TMLHE: variants seen among roughly 807,000 people sequenced by gnomAD.
TMLHE encodes the protein trimethyllysine dioxygenase, mitochondrial.
In TMLHE, 18 loss-of-function variants were observed where a neutral mutation model predicts 25.7. The observed-to-expected ratio is 0.70, with a 90% CI of 0.48 to 1.04. The LOEUF is 1.04. Ranked by LOEUF, TMLHE falls within the 50% of genes least tolerant of loss-of-function variation. TMLHE has a pLI of 0.00. For synonymous variants in TMLHE, 105 were observed against 97.0 expected (o/e 1.08, Z -0.49); for missense variants, 236 against 259.0 (o/e 0.91, Z 0.61).
intron 3 of TMLHE, among the ~76,000 whole-genome samples, chrX:155,522,533 TTACA>T (rs1363533902): frequency 8.9e-6 from 1 of 112,113 alleles, no homozygotes; most frequent in African/African-American, 3.2e-5. Context: ...TGTTACCCTT[TTACA>T]GCTACATCCG....
At chrX:155,530,917 C>T (rs1287630583) in intron 2 of TMLHE, among the ~76,000 whole-genome samples, 3 of 112,327 alleles carry the variant, frequency 2.7e-5, no homozygotes, top group Admixed American at 1.9e-4. Flanking sequence ...ATAAAACCCC[C>T]ATGCATCTGG....
rs781831618 is a variant in TMLHE, at chrX:155,578,253, C to G, written c.-1-32976G>C. ...ACAGTGCAGCCACCACTGCCCCCAC[C>G]TGAATATCCTGCCGGCAGCCTGGAG... On this transcript the variant is annotated intron_variant, in intron 1 of 7. Transcript: ENST00000334398. 7.7e-4 allele frequency among the ~76,000 whole-genome samples: 86 copies of G among 111,807 alleles called. 1 individual carries two copies. Among genetic ancestry groups the G allele is most frequent in the African/African-American group, 2.6e-3 (81 of 30,784 alleles).
At chrX:155,515,326 T>C (rs1392952842) in intron 3 of TMLHE, among the ~76,000 whole-genome samples, 2 of 111,201 alleles carry the variant, frequency 1.8e-5, no homozygotes, top group South Asian at 7.5e-4. Context: ...TTCATTAAAA[T>C]TAATTTTTAA....
At chrX:155,612,453 G>C (rs1402916631) in intron 1 of TMLHE, 1 of 112,056 alleles carries the variant, frequency 8.9e-6, no homozygotes, top group Non-Finnish European at 1.9e-5. Context: ...TGTAAAGTCC[G>C]ACCGAGATTG....
intron 1 of TMLHE, among the ~76,000 whole-genome samples, chrX:155,606,800 A>AC: frequency 1.0e-4 from 1 of 9,595 alleles, no homozygotes; most frequent in South Asian, 0.011. Flanking sequence ...ACAGAAATAC[A>AC]AAAAAAAAAA....
intron 6 of TMLHE, 139 bp downstream of exon 6, chrX:155,506,759 C>T (rs1474632177): frequency 5.7e-6 from 3 of 526,784 alleles, no homozygotes; most frequent in Non-Finnish European, 6.4e-6. Context: ...AAGAAGAATA[C>T]AAACTGTTTG....
chrX:155,587,081 G>C (rs1459731127), intron 1 of TMLHE, among the ~76,000 whole-genome samples: 1 of 111,828 alleles, frequency 8.9e-6, no homozygotes, highest in Non-Finnish European at 1.9e-5. Context: ...AGTAAAGGCT[G>C]ATATTCCTGA....
chrX:155,605,427 G>A (rs2067781019), intron 1 of TMLHE, among the ~76,000 whole-genome samples: 2 of 111,459 alleles, frequency 1.8e-5, no homozygotes, highest in African/African-American at 6.6e-5. Context: ...AAAGAGATTG[G>A]GGGCCTAGAT....
At chrX:155,568,594 C>A (rs1250605384) in intron 1 of TMLHE, among the ~76,000 whole-genome samples, 1 of 62,215 alleles carries the variant, frequency 1.6e-5, no homozygotes, top group African/African-American at 3.6e-5. Flanking sequence ...CCAGTAGGGG[C>A]AGACTGACAC....
intron 2 of TMLHE, among the ~76,000 whole-genome samples, chrX:155,536,037 T>A (rs782097898): frequency 6.1e-4 from 68 of 111,949 alleles, no homozygotes; most frequent in Admixed American, 2.4e-3. Flanking sequence ...CCTGCCTAGT[T>A]CATATTCAAT....
At chrX:155,525,682 G>A (rs975188452) in intron 2 of TMLHE, among the ~76,000 whole-genome samples, 5 of 112,049 alleles carry the variant, frequency 4.5e-5, no homozygotes, top group Non-Finnish European at 9.4e-5. Flanking sequence ...TGCTGATAGC[G>A]ATGCAAACTG....
At chrX:155,556,642 G>A (rs1178700438) in intron 1 of TMLHE, among the ~76,000 whole-genome samples, 2 of 109,704 alleles carry the variant, frequency 1.8e-5, no homozygotes, top group African/African-American at 6.6e-5. Flanking sequence ...CCACAGGACG[G>A]AAGCGAAATT....
intron 5 of TMLHE, among the ~76,000 whole-genome samples, chrX:155,511,207 G>A (rs182239784): frequency 4.5e-5 from 5 of 110,973 alleles, no homozygotes; most frequent in Non-Finnish European, 9.5e-5. Context: ...GCTTGGTGCT[G>A]TCTTCAGATA....
At chrX:155,539,924 G>A (rs1241464603) in intron 2 of TMLHE, among the ~76,000 whole-genome samples, 3 of 110,014 alleles carry the variant, frequency 2.7e-5, no homozygotes, top group Non-Finnish European at 3.8e-5. Flanking sequence ...GGAGGGATTC[G>A]ATAGCAGAAT....
chrX:155,514,382 G>A, intron 3 of TMLHE, 117 bp from the exon 4 acceptor site: 1 of 783,361 alleles, frequency 1.3e-6, no homozygotes. Flanking sequence ...GTACTGTATT[G>A]TTTATGAAAC....
intron 1 of TMLHE, among the ~76,000 whole-genome samples, chrX:155,597,401 T>C (rs1040660763): frequency 1.8e-5 from 2 of 111,180 alleles, no homozygotes; most frequent in Non-Finnish European, 3.8e-5. Flanking sequence ...GTTGGTGGGA[T>C]TGTAAACTAG....
At chrX:155,591,137 A>G (rs999695215) in intron 1 of TMLHE, among the ~76,000 whole-genome samples, 25 of 111,676 alleles carry the variant, frequency 2.2e-4, no homozygotes, top group Admixed American at 9.5e-5. Context: ...GGGAAATGTG[A>G]AAAGTAAAAT....
chrX:155,518,987 A>AT (rs1557335578), intron 3 of TMLHE, among the ~76,000 whole-genome samples: 1 of 42,204 alleles, frequency 2.4e-5, no homozygotes, highest in Non-Finnish European at 6.0e-5. Flanking sequence ...GGATTCATTG[A>AT]TTTTTTGAAG....
intron 3 of TMLHE, among the ~76,000 whole-genome samples, chrX:155,518,884 T>C (rs1358450306): frequency 2.1e-5 from 1 of 46,634 alleles, no homozygotes; most frequent in African/African-American, 5.1e-5. Flanking sequence ...TATCATTTTT[T>C]ATTGTGTCTA....
Sources: allele counts gnomAD v4.1 joint callset (sites outside exome capture counted in the v4.1 genomes callset), GRCh38; gene constraint gnomAD v4.1.1; transcripts MANE v1.5; gene names NCBI Gene and HGNC (gene_info 2026-07-23, HGNC 2026-07-21).